The following FURIN variants were observed in gnomAD, a reference collection of about 807,000 sequenced individuals.
FURIN encodes the protein furin, paired basic amino acid cleaving enzyme.
Under a neutral mutation model 89.2 loss-of-function variants are expected in FURIN, and 18 were observed. The ratio of observed to expected loss-of-function variants is 0.20; its 90% CI spans 0.14 to 0.30. FURIN has a LOEUF of 0.30. Among genes scored for constraint, FURIN ranks in the 10% least tolerant of loss-of-function variants. FURIN has a pLI of 1.00. For synonymous variants in FURIN, 508 were observed against 466.4 expected (o/e 1.09, Z -1.15); for missense variants, 879 against 1,100.5 (o/e 0.80, Z 2.85).
At chr15:90,869,343 A>G (rs1171089380) in intron 1 of FURIN, among the ~76,000 whole-genome samples, 1 of 152,216 alleles carries the variant, frequency 6.6e-6, no homozygotes. Context: ...GATAAAGAGA[A>G]CAATACCTGC....
chr15:90,869,845 G>C (rs2031204437), intron 1 of FURIN, among the ~76,000 whole-genome samples: 1 of 152,232 alleles, frequency 6.6e-6, no homozygotes, highest in Admixed American at 6.5e-5. Flanking sequence ...TGGGTAGGTG[G>C]GGCCAGCCCT....
At position 90,879,436 on chromosome 15, in the gene FURIN, C is replaced by T. The variant is rs1030553298; in HGVS notation, c.1054-8C>T. On this transcript the variant is annotated splice_region_variant and splice_polypyrimidine_tract_variant and intron_variant, in intron 9 of 15. Coordinates refer to ENST00000268171, the MANE Select transcript of FURIN (RefSeq NM_002569.4). ...TCACAGGCCCCAATATGATTCTCTT[C>T]CTGGCAGGTGACGACTGACTTGCGG... 15 of 1,601,290 alleles carry T rather than the reference C, an allele frequency of 9.4e-6. No homozygotes were observed. The highest frequency in any genetic ancestry group is 1.3e-5 in the African/African-American group (1 of 74,680).
chr15:90,878,376 GGTTT>G, intron 8 of FURIN, 72 bp downstream of exon 8: 1 of 1,292,942 alleles, frequency 7.7e-7, no homozygotes, highest in Admixed American at 2.8e-5. Flanking sequence ...TGTGTTTTTT[GGTTT>G]GTTTTATTTA....
In FURIN at chr15:90,883,423, T is replaced by G. The variant is rs1179018166; in HGVS notation, c.*1545T>G. On this transcript the variant is annotated 3_prime_UTR_variant, in exon 16 of 16. Coordinates refer to ENST00000268171, the MANE Select transcript of FURIN (RefSeq NM_002569.4). ...TGGACATGAGATAATGTTAGAGGTT[T>G]TAAAGTGATTAAACGTGCAGACTAT... is the stretch of plus-strand genomic sequence containing the variant. The G allele has an allele frequency of 6.6e-6, 1 of 152,598 alleles. No homozygotes were observed. Among genetic ancestry groups the G allele is most frequent in the Non-Finnish European group, 1.5e-5 (1 of 68,074 alleles). The allele number at this position is 152,598 out of a possible 1,614,324, so 9.5% of individuals were successfully genotyped here. A position where few individuals can be genotyped will look rare whatever the true frequency, so the allele number is the denominator to read the frequency against.
chr15:90,876,022 C>A lies in FURIN; in HGVS notation c.177+105C>A. 9.6e-7 allele frequency: 1 copy of A among 1,042,332 alleles called. No homozygotes were observed. The highest frequency in any genetic ancestry group is 1.4e-6 in the Non-Finnish European group (1 of 726,362). The allele number at this position is 1,042,332 out of a possible 1,614,324, so 64.6% of individuals were successfully genotyped here. A position where few individuals can be genotyped will look rare whatever the true frequency, so the allele number is the denominator to read the frequency against. On this transcript the variant is annotated intron_variant, in intron 2 of 15. Transcript: ENST00000268171. The surrounding 1 kb of genome is among the most constrained non-coding windows in gnomAD (Gnocchi z 5.0). ...TGTTTGCTCAGGGGCATCTGGGTAG[C>A]CGGCATGTTCTGGGTGGCCATGAGC...
chr15:90,875,566 C>T lies in FURIN; in HGVS notation c.-159-16C>T, dbSNP rs949109086. The T allele has an allele frequency of 3.6e-6, 2 of 554,004 alleles. No homozygotes were observed. Among genetic ancestry groups the T allele is most frequent in the Non-Finnish European group, 3.2e-6 (1 of 315,520 alleles). The allele number at this position is 554,004 out of a possible 1,614,324, so 34.3% of individuals were successfully genotyped here. On this transcript the variant is annotated splice_polypyrimidine_tract_variant and intron_variant, in intron 1 of 15. Coordinates refer to ENST00000268171, the MANE Select transcript of FURIN (RefSeq NM_002569.4). ...AACTGACCCTCTCTCCCCTTTTCCCCTCTTGTTCCTCTCAGGGTCGGCACT... is the reference window on the plus strand; with the variant it reads ...AACTGACCCTCTCTCCCCTTTTCCCTTCTTGTTCCTCTCAGGGTCGGCACT...
In FURIN at chr15:90,882,361, TGGC is replaced by T. The variant is rs2032030511; in HGVS notation, c.*487_*489del. 3 of 165,418 alleles carry T rather than the reference TGGC, an allele frequency of 1.8e-5. No homozygotes were observed. Among genetic ancestry groups the T allele is most frequent in the Non-Finnish European group, 4.0e-5 (3 of 75,390 alleles). 10.2% of individuals were successfully genotyped at this position (165,418 alleles called of 1,614,324 possible). A position where few individuals can be genotyped will look rare whatever the true frequency, so the allele number is the denominator to read the frequency against. On this transcript the variant is annotated 3_prime_UTR_variant, in exon 16 of 16. Coordinates refer to ENST00000268171, the MANE Select transcript of FURIN (RefSeq NM_002569.4). The stretch of plus-strand genomic sequence containing the variant: ...CCTGTCCCCCAGCTCTGGTGAGTCT[TGGC>T]GGCAGCAGCCATCATAGGAAGGGAC...
intron 1 of FURIN, among the ~76,000 whole-genome samples, chr15:90,870,020 C>T (rs958688599): frequency 6.6e-6 from 1 of 152,218 alleles, no homozygotes; most frequent in African/African-American, 2.4e-5. Context: ...GGGGAAGTCC[C>T]CACTTTGGGA....
rs542621691 is a variant in FURIN, at chr15:90,876,024, G to A, written c.177+107G>A. 9.6e-5 allele frequency: 98 copies of A among 1,017,468 alleles called. 1 individual carries two copies. The highest frequency in any genetic ancestry group is 9.3e-4 in the African/African-American group (58 of 62,548). 63.0% of individuals were successfully genotyped at this position (1,017,468 alleles called of 1,614,324 possible). ...TTTGCTCAGGGGCATCTGGGTAGCC[G>A]GCATGTTCTGGGTGGCCATGAGCAA... On this transcript the variant is annotated intron_variant, in intron 2 of 15. Coordinates refer to ENST00000268171, the MANE Select transcript of FURIN (RefSeq NM_002569.4). The surrounding 1 kb of genome is among the most constrained non-coding windows in gnomAD (Gnocchi z 5.0).
At chr15:90,870,918 GTGAC>G (rs1220147369) in intron 1 of FURIN, among the ~76,000 whole-genome samples, 3 of 152,226 alleles carry the variant, frequency 2.0e-5, no homozygotes, top group Non-Finnish European at 4.4e-5. Flanking sequence ...ATAATGTAAA[GTGAC>G]TGGCCTGGTG....
intron 10 of FURIN, 28 bp downstream of exon 10, chr15:90,879,572 C>A: frequency 6.4e-7 from 1 of 1,568,418 alleles, no homozygotes; most frequent in Non-Finnish European, 8.8e-7. Context: ...AGCGGCAACC[C>A]TGTCCCTACC....
rs2032117545 is a variant in FURIN at position 90,883,169 on chromosome 15, CT to C, written c.*1295del. On this transcript the variant is annotated 3_prime_UTR_variant, in exon 16 of 16. Transcript: ENST00000268171. Reference sequence around the variant, plus strand: ...CCTCAAACCTCCTCTTCTGACGTGCCTTTTGCACCCCTCCCATTAGGACAAT... The same window carrying C: ...CCTCAAACCTCCTCTTCTGACGTGCCTTTGCACCCCTCCCATTAGGACAAT... 1.3e-5 allele frequency: 2 copies of C among 152,746 alleles called. No homozygotes were observed. Among genetic ancestry groups the C allele is most frequent in the Non-Finnish European group, 1.5e-5 (1 of 68,122 alleles). The allele number at this position is 152,746 out of a possible 1,614,324, so 9.5% of individuals were successfully genotyped here.
chr15:90,870,486 T>C (rs2031232936), intron 1 of FURIN, among the ~76,000 whole-genome samples: 1 of 151,864 alleles, frequency 6.6e-6, no homozygotes, highest in Admixed American at 6.6e-5. Context: ...TTTTTTCCCA[T>C]TACCCGGGAA....
At chr15:90,875,966 C>G (rs1264877803) in intron 2 of FURIN, 49 bp downstream of exon 2, 2 of 1,440,344 alleles carry the variant, frequency 1.4e-6, no homozygotes, top group Non-Finnish European at 1.9e-6. Flanking sequence ...CCAGAGAAGA[C>G]AGGGATTCTG....
In FURIN at chr15:90,877,509, C is replaced by T. The variant is rs142641575; in HGVS notation, c.579-18C>T. 1,943 of 1,552,192 alleles carry T rather than the reference C, an allele frequency of 1.3e-3. 3 individuals are homozygous for T. Among genetic ancestry groups the T allele is most frequent in the Admixed American group, 1.6e-3 (81 of 51,420 alleles). ...CACCCCATTTGTTCTACTCATGCTACGTGCTTGGCCCTGGCAGGCACGGCA... is the reference window on the plus strand; with the variant it reads ...CACCCCATTTGTTCTACTCATGCTATGTGCTTGGCCCTGGCAGGCACGGCA... On this transcript the variant is annotated intron_variant, in intron 6 of 15. Coordinates refer to ENST00000268171, the MANE Select transcript of FURIN (RefSeq NM_002569.4).
chr15:90,877,278 C>T, intron 6 of FURIN, 67 bp downstream of exon 6: 3 of 1,317,898 alleles, frequency 2.3e-6, no homozygotes, highest in Middle Eastern at 2.2e-4. Flanking sequence ...CAGGGCTGAG[C>T]CTGGGTGAGA....
intron 10 of FURIN, 56 bp from the exon 11 acceptor site, chr15:90,879,615 T>C: frequency 1.9e-6 from 3 of 1,571,746 alleles, no homozygotes; most frequent in South Asian, 2.2e-5. Flanking sequence ...TTAGGGCAGC[T>C]GGAGAGCTGC....
At chr15:90,870,605 GA>G (rs1203556568) in intron 1 of FURIN, among the ~76,000 whole-genome samples, 1 of 152,194 alleles carries the variant, frequency 6.6e-6, no homozygotes, top group Non-Finnish European at 1.5e-5. Context: ...CCCAGCCTGG[GA>G]AGCTCCTGGC....
At chr15:90,879,814 G>C (rs769770085) in intron 11 of FURIN, 40 bp downstream of exon 11, 19 of 1,607,612 alleles carry the variant, frequency 1.2e-5, no homozygotes, top group Middle Eastern at 1.6e-4. Context: ...TGTGGAGTTA[G>C]GTAGAAGGCA....
Sources: gnomAD v4.1 joint callset for allele counts (sites outside exome capture counted in the v4.1 genomes callset) on GRCh38, gnomAD v4.1.1 for gene constraint, Gnocchi (gnomAD v3.1) non-coding constraint, MANE v1.5 for transcripts, NCBI Gene and HGNC (gene_info 2026-07-23, HGNC 2026-07-21) for gene names.